The following PDE1C variants were observed in gnomAD, a reference collection of about 807,000 sequenced individuals.
PDE1C encodes phosphodiesterase 1C, also known as dual specificity calcium/calmodulin-dependent 3',5'-cyclic nucleotide phosphodiesterase 1C.
A neutral mutation model predicts 93.1 loss-of-function variants in PDE1C; 62 were observed. The ratio of observed to expected loss-of-function variants is 0.67; its 90% CI spans 0.54 to 0.82. PDE1C has a LOEUF of 0.82. PDE1C is among the 40% of genes least tolerant of loss of function. PDE1C has a pLI of 0.00. For synonymous variants in PDE1C, 325 were observed against 310.1 expected (o/e 1.05, Z -0.50); for missense variants, 742 against 884.6 (o/e 0.84, Z 2.04).
the PDE1C span, among the ~76,000 whole-genome samples, chr7:31,673,430 G>A: frequency 1.3e-5 from 2 of 152,124 alleles, no homozygotes; most frequent in Admixed American, 1.3e-4. Flanking sequence ...GGGGAAAGAT[G>A]TGTGTGTCTC....
At chr7:31,719,665 T>C in the PDE1C span, among the ~76,000 whole-genome samples, 1 of 152,126 alleles carries the variant, frequency 6.6e-6, no homozygotes, top group Non-Finnish European at 1.5e-5. Flanking sequence ...GGCTCTACAT[T>C]TTGTCCGACA....
chr7:32,112,865 T>TATATATAC (rs1554506011), intron 3 of PDE1C, among the ~76,000 whole-genome samples: 88 of 144,798 alleles, frequency 6.1e-4, no homozygotes, highest in African/African-American at 2.2e-3. Context: ...TATATATATA[T>TATATATAC]ATATATATCT....
At chr7:31,879,584 A>G (rs1797003320) in intron 3 of PDE1C, among the ~76,000 whole-genome samples, 1 of 152,246 alleles carries the variant, frequency 6.6e-6, no homozygotes. Flanking sequence ...TTTGCAAAGT[A>G]TTTACCAAAT....
intron 1 of PDE1C, among the ~76,000 whole-genome samples, chr7:32,247,082 TGGGAGAATCAA>T (rs1809015549): frequency 6.6e-6 from 1 of 152,206 alleles, no homozygotes; most frequent in Admixed American, 6.5e-5. Context: ...TGAATAACAC[TGGGAGAATCAA>T]GAATGGCTCC....
chr7:31,869,468 G>T (rs1795670039), intron 6 of PDE1C, among the ~76,000 whole-genome samples: 1 of 151,934 alleles, frequency 6.6e-6, no homozygotes, highest in South Asian at 2.1e-4. Flanking sequence ...AGCAGGAGTA[G>T]CTATACTTAT....
intron 1 of PDE1C, among the ~76,000 whole-genome samples, chr7:32,211,993 T>A (rs1806068697): frequency 8.2e-6 from 1 of 122,060 alleles, no homozygotes; most frequent in Non-Finnish European, 1.6e-5. Flanking sequence ...ACCACTGCAC[T>A]CCAGCCTGGG....
intron 2 of PDE1C, among the ~76,000 whole-genome samples, chr7:31,916,996 G>A (rs1176377407): frequency 6.6e-6 from 1 of 152,064 alleles, no homozygotes; most frequent in Non-Finnish European, 1.5e-5. Flanking sequence ...GTATTCCATA[G>A]CCCATCTAGG....
intron 3 of PDE1C, among the ~76,000 whole-genome samples, chr7:32,092,231 C>T (rs1797512887): frequency 6.6e-6 from 1 of 151,930 alleles, no homozygotes; most frequent in Non-Finnish European, 1.5e-5. Flanking sequence ...GAAAGAGTTC[C>T]TTAAAGAGCA....
At chr7:31,642,821 C>G in the PDE1C span, 28 of 1,613,814 alleles carry the variant, frequency 1.7e-5, no homozygotes, top group African/African-American at 2.7e-5. Flanking sequence ...GCGAGCATGT[C>G]TTTTTCAAGC....
chr7:32,376,909 G>A (rs558616910), intron 1 of PDE1C, among the ~76,000 whole-genome samples: 6 of 152,110 alleles, frequency 3.9e-5, no homozygotes, highest in South Asian at 4.1e-4. Flanking sequence ...GGATGGTCTC[G>A]ATCTCCTGAC....
intron 1 of PDE1C, among the ~76,000 whole-genome samples, chr7:32,215,137 C>T (rs1806335665): frequency 6.6e-6 from 1 of 152,092 alleles, no homozygotes; most frequent in Non-Finnish European, 1.5e-5. Context: ...AGGAACCAAG[C>T]AGCACAGCAG....
the PDE1C span, among the ~76,000 whole-genome samples, chr7:31,699,280 G>A: frequency 2.0e-5 from 3 of 152,080 alleles, no homozygotes; most frequent in Admixed American, 2.0e-4. Context: ...AACTGTGATG[G>A]CCCATCACAG....
chr7:31,775,909 C>G (rs372313635), intron 16 of PDE1C, among the ~76,000 whole-genome samples, 177 bp from the exon 17 acceptor site: 2 of 152,164 alleles, frequency 1.3e-5, no homozygotes, highest in Admixed American at 6.5e-5. Context: ...GGAGCATCGC[C>G]TTTGCCTTTG....
At chr7:32,095,466 A>G (rs1209833104) in intron 3 of PDE1C, among the ~76,000 whole-genome samples, 1 of 152,172 alleles carries the variant, frequency 6.6e-6, no homozygotes, top group Non-Finnish European at 1.5e-5. Context: ...TTCCTTGCTA[A>G]AACTGGTTCA....
chr7:32,209,032 C>T (rs750523697), intron 2 of PDE1C, among the ~76,000 whole-genome samples: 14 of 152,198 alleles, frequency 9.2e-5, no homozygotes, highest in Non-Finnish European at 1.8e-4. Flanking sequence ...TTTCACGTAC[C>T]TCTCCTCACT....
intron 1 of PDE1C, among the ~76,000 whole-genome samples, chr7:32,057,197 T>C (rs990045094): frequency 3.3e-5 from 5 of 152,228 alleles, no homozygotes; most frequent in African/African-American, 1.2e-4. Context: ...GTGACTTGCT[T>C]ACACACATCC....
intron 1 of PDE1C, among the ~76,000 whole-genome samples, chr7:32,419,762 G>T (rs396983): frequency 0.62 from 93,228 of 151,368 alleles, 29,005 homozygotes; most frequent in East Asian, 0.69. Flanking sequence ...TGCCTCTTGC[G>T]CTCTTGGTGC....
At chr7:32,225,861 C>T (rs1323406118) in intron 1 of PDE1C, among the ~76,000 whole-genome samples, 2 of 152,082 alleles carry the variant, frequency 1.3e-5, no homozygotes, top group African/African-American at 4.8e-5. Context: ...AGATGAAGAC[C>T]ATCCTGGCTA....
intron 3 of PDE1C, among the ~76,000 whole-genome samples, chr7:32,123,615 T>G (rs1282490698): frequency 6.6e-6 from 1 of 152,222 alleles, no homozygotes; most frequent in Non-Finnish European, 1.5e-5. Context: ...CACATGATTA[T>G]CTCAATAGAT....
Sources: gnomAD v4.1 joint callset for allele counts (sites outside exome capture counted in the v4.1 genomes callset) on GRCh38, gnomAD v4.1.1 for gene constraint, MANE v1.5 for transcripts, NCBI Gene and HGNC (gene_info 2026-07-23, HGNC 2026-07-21) for gene names.